The following PALM2AKAP2 variants were observed in gnomAD, a reference collection of about 807,000 sequenced individuals.
PALM2AKAP2 encodes the protein PALM2 and AKAP2 fusion.
A neutral mutation model predicts 71.5 loss-of-function variants in PALM2AKAP2; 37 were observed. That is an observed-to-expected ratio of 0.52 (90% confidence interval 0.40 to 0.68). The LOEUF (loss-of-function observed/expected upper bound fraction) is 0.68. Ranked by LOEUF, PALM2AKAP2 falls within the 30% of genes least tolerant of loss-of-function variation. The probability of loss-of-function intolerance (pLI) is 0.00; values close to 1 mark genes in which losing one functional copy is unlikely to be tolerated. For missense variants in PALM2AKAP2, 1,224 were observed against 1,191.8 expected, an observed-to-expected ratio of 1.03 and a Z score of -0.40; for synonymous variants, 468 against 478.8, an observed-to-expected ratio of 0.98 and a Z score of 0.29.
intron 7 of PALM2AKAP2, among the ~76,000 whole-genome samples, chr9:110,034,066 C>A (rs996403904): frequency 6.6e-6 from 1 of 152,232 alleles, no homozygotes; most frequent in Non-Finnish European, 1.5e-5. Context: ...TAGCATTCTT[C>A]ATGTGGTTAG....
chr9:109,882,416 A>T (rs572377533), intron 3 of PALM2AKAP2, among the ~76,000 whole-genome samples: 2 of 152,204 alleles, frequency 1.3e-5, no homozygotes, highest in African/African-American at 4.8e-5. Flanking sequence ...GCCAAGAAAA[A>T]GTTTGGAGGG....
intron 1 of PALM2AKAP2, among the ~76,000 whole-genome samples, chr9:110,097,266 GGGGTAAGGTCACA>G (rs1834871297): frequency 1.3e-5 from 2 of 149,284 alleles, no homozygotes; most frequent in Admixed American, 6.7e-5. Flanking sequence ...CACAGGGTTG[GGGGTAAGGTCACA>G]GATCAACAGG....
intron 1 of PALM2AKAP2, among the ~76,000 whole-genome samples, chr9:109,655,882 T>A (rs890606149): frequency 6.6e-6 from 1 of 152,214 alleles, no homozygotes; most frequent in Non-Finnish European, 1.5e-5. Flanking sequence ...TCATGAATAG[T>A]GCTGCCATGA....
intron 1 of PALM2AKAP2, among the ~76,000 whole-genome samples, chr9:110,129,212 AT>A (rs1478820900): frequency 1.3e-5 from 2 of 152,208 alleles, no homozygotes; most frequent in Non-Finnish European, 2.9e-5. Flanking sequence ...GAGTTCATCT[AT>A]TTCTGACCAA....
intron 3 of PALM2AKAP2, among the ~76,000 whole-genome samples, chr9:109,903,985 C>T (rs1261836716): frequency 6.6e-6 from 1 of 152,118 alleles, no homozygotes; most frequent in Non-Finnish European, 1.5e-5. Flanking sequence ...CCACAAAGCA[C>T]ATATTAAGAT....
At chr9:109,958,609 G>A (rs567260676) in intron 6 of PALM2AKAP2, among the ~76,000 whole-genome samples, 6 of 151,824 alleles carry the variant, frequency 4.0e-5, no homozygotes, top group East Asian at 3.9e-4. Flanking sequence ...GAAGAGGAGC[G>A]AGAGAAAAGG....
At chr9:109,995,650 T>C (rs1273837817) in intron 6 of PALM2AKAP2, among the ~76,000 whole-genome samples, 2 of 152,152 alleles carry the variant, frequency 1.3e-5, no homozygotes, top group African/African-American at 2.4e-5. Context: ...ACAAGACTTA[T>C]TCACTGTCAT....
chr9:110,037,186 T>C (rs112763840), intron 7 of PALM2AKAP2, among the ~76,000 whole-genome samples: 2 of 152,106 alleles, frequency 1.3e-5, no homozygotes, highest in Admixed American at 6.5e-5. Flanking sequence ...TTTTTTTTTT[T>C]CCAACAAATA....
intron 1 of PALM2AKAP2, among the ~76,000 whole-genome samples, chr9:110,085,346 G>T (rs1388046508): frequency 6.6e-6 from 1 of 152,204 alleles, no homozygotes; most frequent in African/African-American, 2.4e-5. Context: ...AGTATAAGAG[G>T]TGGGATACAG....
intron 1 of PALM2AKAP2, among the ~76,000 whole-genome samples, chr9:110,072,863 C>T (rs1427812779): frequency 1.3e-5 from 2 of 152,180 alleles, no homozygotes; most frequent in Non-Finnish European, 2.9e-5. Context: ...TGCCCCTTTT[C>T]CTCTGGCCTA....
chr9:109,655,608 AC>A (rs1373151139), intron 1 of PALM2AKAP2, among the ~76,000 whole-genome samples: 1 of 150,388 alleles, frequency 6.6e-6, no homozygotes, highest in Non-Finnish European at 1.5e-5. Flanking sequence ...TATTCTCCCC[AC>A]CCCCTACCCC....
chr9:110,081,710 A>C (rs981688522), intron 1 of PALM2AKAP2, among the ~76,000 whole-genome samples: 1 of 152,028 alleles, frequency 6.6e-6, no homozygotes, highest in Non-Finnish European at 1.5e-5. Flanking sequence ...AAGCGACAGG[A>C]AACTCTCCCT....
At chr9:109,733,108 T>C (rs1431128321) in intron 1 of PALM2AKAP2, among the ~76,000 whole-genome samples, 1 of 152,016 alleles carries the variant, frequency 6.6e-6, no homozygotes, top group Admixed American at 6.5e-5. Flanking sequence ...ATTCCATTAA[T>C]GTATATAAGA....
intron 1 of PALM2AKAP2, among the ~76,000 whole-genome samples, chr9:109,864,320 G>T (rs943145528): frequency 6.6e-6 from 1 of 152,186 alleles, no homozygotes; most frequent in Admixed American, 6.5e-5. Flanking sequence ...CTTTCCCACT[G>T]TTACCCCTTC....
chr9:109,685,185 TTGTGGTGATA>T (rs1827790939), intron 1 of PALM2AKAP2, among the ~76,000 whole-genome samples: 3 of 152,180 alleles, frequency 2.0e-5, no homozygotes, highest in Admixed American at 2.0e-4. Context: ...AGGGAGTATT[TTGTGGTGATA>T]GAAATGTTCT....
At chr9:110,020,017 G>A (rs1833045771) in intron 7 of PALM2AKAP2, among the ~76,000 whole-genome samples, 1 of 152,056 alleles carries the variant, frequency 6.6e-6, no homozygotes, top group African/African-American at 2.4e-5. Flanking sequence ...ATTAAGCACA[G>A]ACTCCCCCTC....
At chr9:109,843,096 C>T (rs1418674653) in intron 1 of PALM2AKAP2, among the ~76,000 whole-genome samples, 1 of 129,962 alleles carries the variant, frequency 7.7e-6, no homozygotes, top group Non-Finnish European at 1.5e-5. Flanking sequence ...GCCGAGATCG[C>T]GCCATTGCAC....
chr9:110,011,344 A>T (rs1658016482), intron 6 of PALM2AKAP2, among the ~76,000 whole-genome samples: 1 of 151,968 alleles, frequency 6.6e-6, no homozygotes, highest in African/African-American at 2.4e-5. Context: ...ATAGAAATAC[A>T]TCAGCCTAGA....
At chr9:109,972,209 C>A (rs1832081526) in intron 6 of PALM2AKAP2, among the ~76,000 whole-genome samples, 1 of 152,134 alleles carries the variant, frequency 6.6e-6, no homozygotes, top group Non-Finnish European at 1.5e-5. Context: ...TTGGTGGGTT[C>A]CCACCTGCAA....
Sources: allele counts gnomAD v4.1 joint callset (sites outside exome capture counted in the v4.1 genomes callset), GRCh38; gene constraint gnomAD v4.1.1; transcripts MANE v1.5; gene names NCBI Gene and HGNC (gene_info 2026-07-23, HGNC 2026-07-21).